TYW5: variants seen among roughly 807,000 people sequenced by gnomAD.
The protein encoded by TYW5 is tRNA-yW synthesizing protein 5.
Under a neutral mutation model 44.4 loss-of-function variants are expected in TYW5, and 36 were observed. The observed-to-expected ratio is 0.81, with a 90% confidence interval of 0.62 to 1.07. TYW5 has a LOEUF of 1.07. Ranked by LOEUF, TYW5 falls within the 50% of genes least tolerant of loss-of-function variation. TYW5 has a pLI of 0.00. For synonymous variants in TYW5, 121 were observed against 128.1 expected, an observed-to-expected ratio of 0.94 and a Z score of 0.37; for missense variants, 354 against 365.7, an observed-to-expected ratio of 0.97 and a Z score of 0.26.
chr2:199,937,702 T>G (rs1457005499), intron 5 of TYW5, among the ~76,000 whole-genome samples: 1 of 152,052 alleles, frequency 6.6e-6, no homozygotes, highest in South Asian at 2.1e-4. Flanking sequence ...ATCATCATCA[T>G]CATAGAATAT....
chr2:199,948,913 GAAATT>G (rs1182223014), intron 1 of TYW5, among the ~76,000 whole-genome samples: 1 of 152,106 alleles, frequency 6.6e-6, no homozygotes, highest in Non-Finnish European at 1.5e-5. Flanking sequence ...ATTATTAATT[GAAATT>G]AAATTAAGCA....
At chr2:199,955,310 A>C in intron 1 of TYW5, 83 bp downstream of exon 1, 2 of 1,502,304 alleles carry the variant, frequency 1.3e-6, no homozygotes, top group Non-Finnish European at 1.8e-6. Flanking sequence ...CTGGGTCTCT[A>C]AAAACCAGTT....
At chr2:199,934,926 C>T (rs868221192) in intron 7 of TYW5, among the ~76,000 whole-genome samples, 1 of 151,952 alleles carries the variant, frequency 6.6e-6, no homozygotes, top group South Asian at 2.1e-4. Flanking sequence ...ATAATGTACA[C>T]AAATGATACT....
chr2:199,933,364 A>G (rs773176774), intron 7 of TYW5, 41 bp from the exon 8 acceptor site: 5 of 1,537,648 alleles, frequency 3.3e-6, no homozygotes, highest in Non-Finnish European at 8.8e-7. Context: ...TAAAACCTAC[A>G]GTTAAAAAAA....
chr2:199,943,638 C>A (rs537110402), intron 3 of TYW5, 127 bp downstream of exon 3: 35 of 745,588 alleles, frequency 4.7e-5, no homozygotes, highest in Admixed American at 1.9e-4. Flanking sequence ...GTGGTGCATC[C>A]AACCAAATCT....
chr2:199,953,249 G>C (rs549097569), intron 1 of TYW5, among the ~76,000 whole-genome samples: 1 of 152,094 alleles, frequency 6.6e-6, no homozygotes, highest in African/African-American at 2.4e-5. Context: ...CTTGAACCCT[G>C]AAGGCAGAGG....
rs281772 is a variant in TYW5, at chr2:199,948,122, T to C, written c.233+196A>G. 7.3e-3 allele frequency: 3,846 copies of C among 527,678 alleles called. 125 individuals are homozygous for C. The highest frequency in any genetic ancestry group is 0.068 in the African/African-American group (3,439 of 50,706). The allele number at this position is 527,678 out of a possible 1,614,324, so 32.7% of individuals were successfully genotyped here. On this transcript the variant is annotated intron_variant, in intron 2 of 7. Transcript: ENST00000354611. ...AAATAAAAAATAAAATAAAAAATTGTCACTGTATAATTATGTAAACTCAGA... is the reference window on the plus strand; with the variant it reads ...AAATAAAAAATAAAATAAAAAATTGCCACTGTATAATTATGTAAACTCAGA...
At chr2:199,949,059 T>G (rs1196449103) in intron 1 of TYW5, among the ~76,000 whole-genome samples, 1 of 152,114 alleles carries the variant, frequency 6.6e-6, no homozygotes, top group East Asian at 1.9e-4. Flanking sequence ...ACCAAAATTA[T>G]ATTTAACACT....
Position 199,930,987 on chromosome 2 carries a change from A to C in TYW5, c.*2080T>G, listed in dbSNP as rs2077372888. 1 of 152,246 alleles carries C rather than the reference A, an allele frequency of 6.6e-6. No individual in the cohort carries two copies. The highest frequency in any genetic ancestry group is 1.5e-5 in the Non-Finnish European group (1 of 68,032). The allele number at this position is 152,246 out of a possible 1,614,324, so 9.4% of individuals were successfully genotyped here. A position where few individuals can be genotyped will look rare whatever the true frequency, so the allele number is the denominator to read the frequency against. The stretch of plus-strand genomic sequence containing the variant: ...CAAACATCTCATTTGGTCTTAACCC[A>C]GTAGGAAGAAAAGATTAAAATATTT... On this transcript the variant is annotated 3_prime_UTR_variant, in exon 8 of 8. Coordinates refer to ENST00000354611, the MANE Select transcript of TYW5 (RefSeq NM_001039693.3).
chr2:199,933,359 C>A (rs771788052), intron 7 of TYW5, 36 bp from the exon 8 acceptor site: 54 of 1,549,800 alleles, frequency 3.5e-5, no homozygotes, highest in Admixed American at 2.1e-4. Context: ...AAAAATAAAA[C>A]CTACAGTTAA....
At chr2:199,935,287 T>C (rs965354811) in intron 7 of TYW5, among the ~76,000 whole-genome samples, 2 of 151,338 alleles carry the variant, frequency 1.3e-5, no homozygotes, top group Non-Finnish European at 2.9e-5. Context: ...TAAAATAGAG[T>C]ATAATATTAT....
chr2:199,935,825 CAT>C (rs2077416031), intron 7 of TYW5, 104 bp downstream of exon 7: 1 of 713,734 alleles, frequency 1.4e-6, no homozygotes, highest in African/African-American at 1.8e-5. Context: ...GGACCGGATA[CAT>C]ATAACAAATA....
intron 4 of TYW5, 118 bp from the exon 5 acceptor site, chr2:199,939,188 C>T (rs2077444878): frequency 1.2e-5 from 10 of 856,260 alleles, no homozygotes; most frequent in Non-Finnish European, 1.7e-5. Flanking sequence ...TGTGCCAATA[C>T]ATGATCTCTC....
intron 3 of TYW5, 83 bp from the exon 4 acceptor site, chr2:199,940,216 G>A: frequency 8.1e-7 from 1 of 1,233,326 alleles, no homozygotes; most frequent in Non-Finnish European, 1.2e-6. Context: ...TAGCTATCAT[G>A]TATTCATAAT....
At chr2:199,946,705 T>C (rs2077506723) in intron 2 of TYW5, 1 of 152,232 alleles carries the variant, frequency 6.6e-6, no homozygotes, top group Non-Finnish European at 1.5e-5. Context: ...TCTTACTTTC[T>C]AGTCTCTCTT....
At position 199,930,674 on chromosome 2, in the gene TYW5, A is replaced by G. The variant is rs2077369426; in HGVS notation, c.*2393T>C. 1 of 152,220 alleles carries G rather than the reference A, an allele frequency of 6.6e-6. No individual in the cohort carries two copies. Among genetic ancestry groups the G allele is most frequent in the Non-Finnish European group, 1.5e-5 (1 of 68,072 alleles). 9.4% of individuals were successfully genotyped at this position (152,220 alleles called of 1,614,324 possible). On this transcript the variant is annotated 3_prime_UTR_variant, in exon 8 of 8. Coordinates refer to ENST00000354611, the MANE Select transcript of TYW5 (RefSeq NM_001039693.3). ...GTGAGAAATTTTGTTGGCAGAGGAA[A>G]AAAATTCCTTTTTGCATCAGGTCAA... is the stretch of plus-strand genomic sequence containing the variant.
At position 199,931,879 on chromosome 2, in the gene TYW5, A is replaced by G. The variant is rs963988720; in HGVS notation, c.*1188T>C. 6.6e-5 allele frequency: 10 copies of G among 152,204 alleles called. No individual in the cohort carries two copies. Among genetic ancestry groups the G allele is most frequent in the African/African-American group, 1.7e-4 (7 of 41,462 alleles). The allele number at this position is 152,204 out of a possible 1,614,324, so 9.4% of individuals were successfully genotyped here. ...AGGTACAAAACAAAAGCAGAGATCC[A>G]CACACAATGGCTCACTGTCTTCGAT... On this transcript the variant is annotated 3_prime_UTR_variant, in exon 8 of 8. Transcript: ENST00000354611.
chr2:199,945,148 G>A (rs2077494565), intron 2 of TYW5: 2 of 152,042 alleles, frequency 1.3e-5, no homozygotes, highest in Non-Finnish European at 2.9e-5. Flanking sequence ...TCAAGCTACC[G>A]GTTTCTATGG....
Position 199,931,351 on chromosome 2 carries a change from CTG to C in TYW5, c.*1714_*1715del, listed in dbSNP as rs1367283303. 6.6e-6 allele frequency: 1 copy of C among 152,118 alleles called. No homozygotes were observed. The highest frequency in any genetic ancestry group is 1.9e-4 in the East Asian group (1 of 5,200). The allele number at this position is 152,118 out of a possible 1,614,324, so 9.4% of individuals were successfully genotyped here. A position where few individuals can be genotyped will look rare whatever the true frequency, so the allele number is the denominator to read the frequency against. ...GACTATTCAGTGCACAAACTGTAAT[CTG>C]TTTTATTAATACTTCCAAGTTTTCT... On this transcript the variant is annotated 3_prime_UTR_variant, in exon 8 of 8. Transcript: ENST00000354611.
Sources: gnomAD v4.1 joint callset for allele counts (sites outside exome capture counted in the v4.1 genomes callset) on GRCh38, gnomAD v4.1.1 for gene constraint, MANE v1.5 for transcripts, NCBI Gene and HGNC (gene_info 2026-07-23, HGNC 2026-07-21) for gene names.